Variants in EFCAB14 observed in about 807,000 individuals in gnomAD.
EFCAB14 encodes the protein EF-hand calcium binding domain 14.
In EFCAB14, 43 loss-of-function variants were observed where a neutral mutation model predicts 56.5. The observed-to-expected ratio is 0.76, with a 90% CI of 0.60 to 0.98. The LOEUF is 0.98. Ranked by LOEUF, EFCAB14 falls within the 50% of genes least tolerant of loss-of-function variation. EFCAB14 has a pLI of 0.00. For missense variants in EFCAB14, 538 were observed against 580.3 expected, an observed-to-expected ratio of 0.93 and a Z score of 0.75; for synonymous variants, 235 against 212.9, an observed-to-expected ratio of 1.10 and a Z score of -0.90.
intron 6 of EFCAB14, 56 bp downstream of exon 6, chr1:46,689,531 G>T: frequency 6.5e-7 from 1 of 1,539,326 alleles, no homozygotes; most frequent in Non-Finnish European, 9.0e-7. Context: ...CAAACTATTT[G>T]GCTGCCTCTG....
intron 4 of EFCAB14, among the ~76,000 whole-genome samples, chr1:46,694,469 C>T (rs1677047859): frequency 6.6e-6 from 1 of 152,154 alleles, no homozygotes; most frequent in Non-Finnish European, 1.5e-5. Flanking sequence ...CCAACAGACA[C>T]ATGAAAAAAT....
In EFCAB14 at chr1:46,689,611, T is replaced by C; in HGVS notation, c.771A>G (p.Lys257=). 6.2e-7 allele frequency: 1 copy of C among 1,613,868 alleles called. No homozygotes were observed. The highest frequency in any genetic ancestry group is 8.5e-7 in the Non-Finnish European group (1 of 1,179,794). The change falls in exon 6 of 11, where the codon AAA becomes AAG. Residue 257 remains lysine, a synonymous_variant. Transcript: ENST00000371933. ...CCTGTTTCAAATTCTCACTGTGGGT[T>C]TTATTGTCAAGTTCTGATGTGGCTG... ...SPSATSELDN[K]THSENLKQDI...
At chr1:46,682,694 A>G (rs1036971835) in intron 10 of EFCAB14, among the ~76,000 whole-genome samples, 1 of 152,218 alleles carries the variant, frequency 6.6e-6, no homozygotes, top group Non-Finnish European at 1.5e-5. Context: ...ACCCTAAAAA[A>G]CATTAACAGA....
chr1:46,701,899 T>A (rs1052112849), intron 3 of EFCAB14, among the ~76,000 whole-genome samples: 1 of 152,198 alleles, frequency 6.6e-6, no homozygotes, highest in African/African-American at 2.4e-5. Flanking sequence ...ATTTCTCTCT[T>A]CAGTAAAATA....
At chr1:46,695,255 C>A (rs192017584) in intron 4 of EFCAB14, among the ~76,000 whole-genome samples, 392 of 152,234 alleles carry the variant, frequency 2.6e-3, no homozygotes, top group Non-Finnish European at 3.6e-3. Flanking sequence ...TTTTCTAATG[C>A]AAGACTGTGA....
intron 4 of EFCAB14, among the ~76,000 whole-genome samples, chr1:46,693,682 T>C (rs1160511734): frequency 6.6e-6 from 1 of 152,100 alleles, no homozygotes; most frequent in Non-Finnish European, 1.5e-5. Context: ...AGCTCTTGTT[T>C]AAGGATTTTT....
At chr1:46,692,195 G>C (rs1476730620) in intron 4 of EFCAB14, 4 of 319,198 alleles carry the variant, frequency 1.3e-5, no homozygotes, top group Non-Finnish European at 2.3e-5. Context: ...TCATTTTCTA[G>C]ATTTTATATA....
chr1:46,710,908 C>T (rs906469310), intron 2 of EFCAB14, among the ~76,000 whole-genome samples: 1 of 152,172 alleles, frequency 6.6e-6, no homozygotes, highest in Non-Finnish European at 1.5e-5. Context: ...TTTAACTTTC[C>T]GTTCCCAGCT....
In EFCAB14 at chr1:46,688,290, T is replaced by C. The variant is rs190766041; in HGVS notation, c.987+63A>G. 20 of 1,502,082 alleles carry C rather than the reference T, an allele frequency of 1.3e-5. No individual in the cohort carries two copies. The East Asian group carries it at 2.3e-4, about 17-fold the overall frequency. 93.0% of individuals were successfully genotyped at this position (1,502,082 alleles called of 1,614,324 possible). A position where few individuals can be genotyped will look rare whatever the true frequency, so the allele number is the denominator to read the frequency against. ...CCAGAAGGCTGTTCTCAAAAGGTGG[T>C]AGAATGTTATCCATGCACAGACAAA... On this transcript the variant is annotated intron_variant, in intron 7 of 10. Coordinates refer to ENST00000371933, the MANE Select transcript of EFCAB14 (RefSeq NM_014774.3).
chr1:46,696,957 GT>G, intron 3 of EFCAB14, among the ~76,000 whole-genome samples: 1 of 152,320 alleles, frequency 6.6e-6, no homozygotes, highest in South Asian at 2.1e-4. Flanking sequence ...AAAAGATGCT[GT>G]AATTATCACA....
At position 46,688,546 on chromosome 1, in the gene EFCAB14, T is replaced by C; in HGVS notation, c.796-2A>G. 2 of 1,610,450 alleles carry C rather than the reference T, an allele frequency of 1.2e-6. No individual in the cohort carries two copies. Among genetic ancestry groups the C allele is most frequent in the Non-Finnish European group, 8.5e-7 (1 of 1,178,268 alleles). ...AGAGTTGTGAAGGTACAGGATATCC[T>C]AGAGTGGAAATAAATAAAGTTATGG... On this transcript the variant is annotated splice_acceptor_variant, in intron 6 of 10. Transcript: ENST00000371933. LOFTEE classifies it high-confidence loss of function.
At chr1:46,704,426 G>C (rs1161307411) in intron 3 of EFCAB14, among the ~76,000 whole-genome samples, 1 of 144,044 alleles carries the variant, frequency 6.9e-6, no homozygotes, top group East Asian at 2.1e-4. Flanking sequence ...ACAGTGAGCT[G>C]TGATTGCATC....
In EFCAB14 at chr1:46,676,377, G is replaced by T. The variant is rs938322942; in HGVS notation, c.*2084C>A. ...ATTTCTCCATGTATAGTTATCTGATGCAAGGGAAAATACACACAACAAAGA... is the reference window on the plus strand; with the variant it reads ...ATTTCTCCATGTATAGTTATCTGATTCAAGGGAAAATACACACAACAAAGA... On this transcript the variant is annotated 3_prime_UTR_variant, in exon 11 of 11. Coordinates refer to ENST00000371933, the MANE Select transcript of EFCAB14 (RefSeq NM_014774.3). 2.6e-5 allele frequency: 4 copies of T among 152,412 alleles called. No individual in the cohort carries two copies. Among genetic ancestry groups the T allele is most frequent in the African/African-American group, 9.7e-5 (4 of 41,446 alleles). 9.4% of individuals were successfully genotyped at this position (152,412 alleles called of 1,614,324 possible).
At chr1:46,713,985 G>A (rs576544759) in intron 2 of EFCAB14, among the ~76,000 whole-genome samples, 1 of 152,078 alleles carries the variant, frequency 6.6e-6, no homozygotes, top group African/African-American at 2.4e-5. Flanking sequence ...TCTAAAAATT[G>A]GTAATCCAGG....
At chr1:46,713,498 G>A (rs1213370437) in intron 2 of EFCAB14, among the ~76,000 whole-genome samples, 3 of 152,094 alleles carry the variant, frequency 2.0e-5, no homozygotes, top group African/African-American at 7.2e-5. Flanking sequence ...TCTATTATAT[G>A]TACAAGTACT....
chr1:46,686,187 C>G (rs1399771117), intron 8 of EFCAB14, among the ~76,000 whole-genome samples: 4 of 152,132 alleles, frequency 2.6e-5, no homozygotes, highest in Non-Finnish European at 5.9e-5. Flanking sequence ...CAAAGCATAT[C>G]ATAGATTGCT....
intron 4 of EFCAB14, 31 bp from the exon 5 acceptor site, chr1:46,691,968 A>C (rs780103569): frequency 6.5e-5 from 101 of 1,554,146 alleles, no homozygotes; most frequent in Non-Finnish European, 8.7e-5. Flanking sequence ...AGGTGTAAAA[A>C]AGCTTTAAGA....
chr1:46,686,660 C>G, intron 8 of EFCAB14, 124 bp downstream of exon 8: 1 of 940,280 alleles, frequency 1.1e-6, no homozygotes. Context: ...TTACTAATTG[C>G]TTTGTTTTGA....
Position 46,718,845 on chromosome 1 carries a change from C to A in EFCAB14, c.-758G>T, listed in dbSNP as rs1319477768. On this transcript the variant is annotated 5_prime_UTR_variant, in exon 1 of 11. Coordinates refer to ENST00000371933, the MANE Select transcript of EFCAB14 (RefSeq NM_014774.3). ...AGTCCCGCGCCTGATAGACCCCCGC[C>A]CCGCTGTCTGGGCCTTGGGGACACG... is the stretch of plus-strand genomic sequence containing the variant. 1 of 152,346 alleles carries A rather than the reference C, an allele frequency of 6.6e-6. No individual in the cohort carries two copies. Among genetic ancestry groups the A allele is most frequent in the Non-Finnish European group, 1.5e-5 (1 of 68,124 alleles). The allele number at this position is 152,346 out of a possible 1,614,324, so 9.4% of individuals were successfully genotyped here. A position where few individuals can be genotyped will look rare whatever the true frequency, so the allele number is the denominator to read the frequency against.
Sources: allele counts gnomAD v4.1 joint callset (sites outside exome capture counted in the v4.1 genomes callset), GRCh38; gene constraint gnomAD v4.1.1; transcripts MANE v1.5; gene names NCBI Gene and HGNC (gene_info 2026-07-23, HGNC 2026-07-21).